The following FAM153A variants were observed in gnomAD, a reference collection of about 807,000 sequenced individuals.
FAM153A encodes protein FAM153A.
A neutral mutation model predicts 48.1 loss-of-function variants in FAM153A; 12 were observed. The ratio of observed to expected loss-of-function variants is 0.25; its 90% CI spans 0.16 to 0.40. The LOEUF is 0.40. Among genes scored for constraint, FAM153A ranks in the 10% least tolerant of loss-of-function variants. The pLI is 1.00. For synonymous variants in FAM153A, 36 were observed against 118.2 expected (o/e 0.30, Z 4.51); for missense variants, 111 against 345.8 (o/e 0.32, Z 5.38).
chr5:177,722,100 AAC>A (rs1208027769), downstream of FAM153A: 1 of 148,990 alleles, frequency 6.7e-6, no homozygotes, highest in Non-Finnish European at 1.5e-5. Context: ...CCCTCTGAAA[AAC>A]AGAGGTTAAA....
intron 2 of FAM153A, chr5:177,750,245 G>A (rs1184250335): frequency 2.0e-5 from 3 of 153,138 alleles, no homozygotes; most frequent in Non-Finnish European, 2.9e-5. Flanking sequence ...CAGAAAAGGA[G>A]AGGAATTAGT....
chr5:177,696,401 C>T, the FAM153A span, among the ~76,000 whole-genome samples: 51 of 151,900 alleles, frequency 3.4e-4, 3 homozygotes, highest in African/African-American at 1.2e-3. Context: ...ACGCTCCTCA[C>T]TTCCCAGACG....
upstream of FAM153A, among the ~76,000 whole-genome samples, chr5:177,753,966 T>C (rs962854900): frequency 6.6e-6 from 1 of 151,886 alleles, no homozygotes; most frequent in African/African-American, 2.4e-5. Flanking sequence ...GCTCACCTCA[T>C]TGGGGATTGT....
intron 1 of FAM153A, among the ~76,000 whole-genome samples, chr5:177,766,568 G>A (rs1350613261): frequency 1.1e-5 from 1 of 91,262 alleles, no homozygotes; most frequent in Non-Finnish European, 2.2e-5. Flanking sequence ...TAGCCTAAAG[G>A]GAAAACCAAA....
intron 9 of FAM153A, 115 bp from the exon 12 acceptor site, chr5:177,739,252 A>G: frequency 1.9e-6 from 2 of 1,044,128 alleles, no homozygotes; most frequent in Non-Finnish European, 2.9e-6. Context: ...GGTGGAGGCA[A>G]TGGCCACAAA....
intron 18 of FAM153A, among the ~76,000 whole-genome samples, chr5:177,728,561 T>TG (rs1554142045): frequency 2.1e-5 from 3 of 145,712 alleles, no homozygotes; most frequent in Non-Finnish European, 4.5e-5. Flanking sequence ...GTGTTTTTTT[T>TG]TTTGTTTGTT....
upstream of FAM153A, among the ~76,000 whole-genome samples, chr5:177,757,982 A>G (rs1457882713): frequency 1.3e-5 from 2 of 151,978 alleles, no homozygotes; most frequent in African/African-American, 4.8e-5. Context: ...GGCCAGGGCA[A>G]TCAGGCAGAA....
At chr5:177,725,985 T>C (rs1179015764) in intron 18 of FAM153A, among the ~76,000 whole-genome samples, 2 of 149,218 alleles carry the variant, frequency 1.3e-5, no homozygotes, top group African/African-American at 2.5e-5. Flanking sequence ...TGCTCAATCA[T>C]GTGTTCTGCC....
At chr5:177,709,290 T>A (rs2127547849), downstream of FAM153A, among the ~76,000 whole-genome samples, 1 of 145,372 alleles carries the variant, frequency 6.9e-6, no homozygotes, top group East Asian at 2.0e-4. Flanking sequence ...GTCTTCCTGA[T>A]ATTTACAGTA....
In FAM153A at chr5:177,770,979, A is replaced by G. The variant is rs539345157; in HGVS notation, c.-57+9470T>C. ...ATCCCAGGATTTCCAGAACAAAAAT[A>G]AAAAATAAAAGATATTCACTGAATC... On this transcript the variant is annotated intron_variant, in intron 1 of 8. Coordinates refer to the FAM153A transcript ENST00000393518. Among the ~76,000 whole-genome samples the G allele has an allele frequency of 2.0e-4, 20 of 98,272 alleles. 6 individuals are homozygous for G. The South Asian group carries it at 6.6e-3, about 32-fold the overall frequency. The allele number at this position is 98,272 out of a possible 152,430, so 64.5% of individuals were successfully genotyped here.
intron 1 of FAM153A, chr5:177,753,054 T>G: frequency 1.5e-6 from 1 of 667,238 alleles, no homozygotes. Flanking sequence ...TGAAACATAT[T>G]TATAAATCTG....
At chr5:177,702,850 A>C in the FAM153A span, among the ~76,000 whole-genome samples, 81,953 of 151,544 alleles carry the variant, frequency 0.54, 22,387 homozygotes, top group Middle Eastern at 0.62. Flanking sequence ...GGCTTTGGAG[A>C]CTCTGCCTGT....
intron 17 of FAM153A, among the ~76,000 whole-genome samples, 176 bp from the exon 20 acceptor site, chr5:177,729,229 T>C (rs1250557324): frequency 2.5e-5 from 3 of 117,718 alleles, no homozygotes; most frequent in African/African-American, 5.6e-5. Flanking sequence ...TCAATTGTTT[T>C]TCTTTGACAA....
the FAM153A span, among the ~76,000 whole-genome samples, chr5:177,699,241 A>G: frequency 6.6e-6 from 1 of 151,816 alleles, no homozygotes; most frequent in African/African-American, 2.4e-5. Flanking sequence ...TGAAAAGAAG[A>G]AAGATCTCAA....
intron 24 of FAM153A, among the ~76,000 whole-genome samples, chr5:177,716,590 C>T (rs1216922108): frequency 6.6e-6 from 1 of 151,586 alleles, no homozygotes; most frequent in Non-Finnish European, 1.5e-5. Flanking sequence ...TGACCAAGTT[C>T]CCCCAGAAAT....
the FAM153A span, among the ~76,000 whole-genome samples, chr5:177,695,930 C>T: frequency 1.2e-5 from 1 of 83,242 alleles, no homozygotes; most frequent in African/African-American, 4.1e-5. Context: ...CGGGCAGGGG[C>T]ACTCCCCACT....
At chr5:177,696,439 A>T in the FAM153A span, among the ~76,000 whole-genome samples, 1 of 152,030 alleles carries the variant, frequency 6.6e-6, no homozygotes, top group South Asian at 2.1e-4. Flanking sequence ...TGCTCCTCAC[A>T]TCTCAGTTTT....
chr5:177,734,694 A>G (rs1475593601), intron 13 of FAM153A, among the ~76,000 whole-genome samples, 169 bp downstream of exon 15: 1 of 149,604 alleles, frequency 6.7e-6, no homozygotes, highest in Non-Finnish European at 1.5e-5. Flanking sequence ...ATTTTCTCCC[A>G]CTGTCTTAAA....
chr5:177,695,880 G>A, the FAM153A span, among the ~76,000 whole-genome samples: 8 of 143,296 alleles, frequency 5.6e-5, no homozygotes, highest in East Asian at 1.5e-3. Context: ...GATGATGGGC[G>A]GCCGGGCAGA....
Sources: allele counts gnomAD v4.1 joint callset (sites outside exome capture counted in the v4.1 genomes callset), GRCh38; gene constraint gnomAD v4.1.1; transcripts MANE v1.5; gene names NCBI Gene and HGNC (gene_info 2026-07-23, HGNC 2026-07-21).